The following RANBP9 variants were observed in gnomAD, a reference collection of about 807,000 sequenced individuals.
The protein encoded by RANBP9 is ran-binding protein 9.
A neutral mutation model predicts 84.3 loss-of-function variants in RANBP9; 15 were observed. That is an observed-to-expected ratio of 0.18 (90% CI 0.12 to 0.27). The LOEUF (loss-of-function observed/expected upper bound fraction) is 0.27. RANBP9 is among the 10% of genes least tolerant of loss of function. The pLI, the probability that RANBP9 is intolerant of heterozygous loss-of-function variation, is 1.00. For missense variants in RANBP9, 809 were observed against 912.8 expected (o/e 0.89, Z 1.46); for synonymous variants, 392 against 349.6 (o/e 1.12, Z -1.35).
At chr6:13,696,379 C>G (rs2113356822) in intron 2 of RANBP9, among the ~76,000 whole-genome samples, 1 of 152,234 alleles carries the variant, frequency 6.6e-6, no homozygotes, top group African/African-American at 2.4e-5. Flanking sequence ...TACACATTTC[C>G]CAGCTGAAAC....
intron 2 of RANBP9, among the ~76,000 whole-genome samples, chr6:13,686,115 CG>C (rs111284777): frequency 5.7e-3 from 12 of 2,102 alleles, no homozygotes; most frequent in African/African-American, 7.5e-3. Flanking sequence ...CCCCCCCCCC[CG>C]CCCCCCGAAA....
Position 13,668,267 on chromosome 6 carries a change from C to G in RANBP9, c.684-9435G>C, listed in dbSNP as rs138527228. On this transcript the variant is annotated intron_variant, in intron 2 of 13. Coordinates refer to ENST00000011619, the MANE Select transcript of RANBP9 (RefSeq NM_005493.3). ...TAATTTTAAAACACAAAGACAAGCC[C>G]GTGCTCAGATGGCTTCACTGGGGAA... Among the ~76,000 whole-genome samples the G allele has an allele frequency of 2.0e-5, 3 of 152,110 alleles. No homozygotes were observed. The East Asian group carries it at 5.8e-4, about 29-fold the overall frequency.
intron 2 of RANBP9, among the ~76,000 whole-genome samples, chr6:13,677,552 A>C (rs1338895248): frequency 2.6e-5 from 4 of 152,208 alleles, no homozygotes; most frequent in Non-Finnish European, 5.9e-5. Context: ...TGAATATAAT[A>C]AGACTTAAGA....
chr6:13,647,646 T>C (rs1765201594), intron 5 of RANBP9, among the ~76,000 whole-genome samples: 1 of 152,124 alleles, frequency 6.6e-6, no homozygotes, highest in South Asian at 2.1e-4. Flanking sequence ...AAACAAACAT[T>C]ATAGCCAAAG....
intron 10 of RANBP9, among the ~76,000 whole-genome samples, chr6:13,636,812 T>G: frequency 6.6e-6 from 1 of 152,222 alleles, no homozygotes; most frequent in East Asian, 1.9e-4. Context: ...TTGTCACGTG[T>G]GACAGACAAC....
intron 1 of RANBP9, among the ~76,000 whole-genome samples, chr6:13,697,873 C>T (rs140869032): frequency 7.2e-5 from 11 of 152,290 alleles, no homozygotes; most frequent in Non-Finnish European, 1.0e-4. Context: ...ATATGCTCCA[C>T]GCAATACAAA....
chr6:13,670,179 G>C (rs1765742005), intron 2 of RANBP9, among the ~76,000 whole-genome samples: 1 of 152,146 alleles, frequency 6.6e-6, no homozygotes, highest in Non-Finnish European at 1.5e-5. Flanking sequence ...TGTAGTCCCA[G>C]CTTCTCGGGA....
intron 1 of RANBP9, among the ~76,000 whole-genome samples, chr6:13,705,080 AAC>A (rs538166633): frequency 5.3e-5 from 8 of 152,204 alleles, no homozygotes; most frequent in African/African-American, 1.7e-4. Flanking sequence ...AACAGTGAAA[AAC>A]ACATATAAAT....
At chr6:13,647,850 A>T (rs1347668367) in intron 5 of RANBP9, among the ~76,000 whole-genome samples, 5 of 152,198 alleles carry the variant, frequency 3.3e-5, no homozygotes, top group African/African-American at 4.8e-5. Flanking sequence ...TTAAAACTGG[A>T]GAATTGGGAG....
chr6:13,688,608 T>C (rs1254491941), intron 2 of RANBP9, among the ~76,000 whole-genome samples: 1 of 152,028 alleles, frequency 6.6e-6, no homozygotes, highest in East Asian at 1.9e-4. Flanking sequence ...AATCCTAGGT[T>C]CTTAGCACAG....
intron 1 of RANBP9, among the ~76,000 whole-genome samples, chr6:13,706,629 G>A (rs1440017674): frequency 6.8e-6 from 1 of 147,014 alleles, no homozygotes. Context: ...GGAGGCGGAG[G>A]TTGCAGTGAG....
intron 2 of RANBP9, among the ~76,000 whole-genome samples, chr6:13,668,861 A>G (rs1765710882): frequency 6.6e-6 from 1 of 152,156 alleles, no homozygotes; most frequent in African/African-American, 2.4e-5. Context: ...CTTCTATTCA[A>G]CATAGTACTG....
At chr6:13,699,032 T>C (rs1757905627) in intron 1 of RANBP9, among the ~76,000 whole-genome samples, 1 of 152,190 alleles carries the variant, frequency 6.6e-6, no homozygotes, top group Non-Finnish European at 1.5e-5. Context: ...TTTGTATGGA[T>C]TTTTCTCTTT....
At position 13,711,227 on chromosome 6, in the gene RANBP9, G is replaced by A. The variant is rs1262192939; in HGVS notation, c.279C>T (p.Ala93=). The change falls in exon 1 of 14, where the codon GCC becomes GCT. Residue 93 remains alanine (A), a synonymous_variant. Transcript: ENST00000011619. ...PPPPPPPPPP[A]SAAAPASGPP... ...GCCCGCTGGCGGGGGCAGCCGCTGA[G>A]GCAGGGGGAGGCGGGGGCGGCGGCG... The A allele has an allele frequency of 5.6e-5, 59 of 1,046,778 alleles. No individual in the cohort carries two copies. Among genetic ancestry groups the A allele is most frequent in the Non-Finnish European group, 6.3e-5 (55 of 870,188 alleles). The allele number at this position is 1,046,778 out of a possible 1,614,324, so 64.8% of individuals were successfully genotyped here. A position where few individuals can be genotyped will look rare whatever the true frequency, so the allele number is the denominator to read the frequency against.
chr6:13,709,690 A>G (rs780790026), intron 1 of RANBP9, among the ~76,000 whole-genome samples: 2 of 152,224 alleles, frequency 1.3e-5, no homozygotes, highest in East Asian at 3.8e-4. Flanking sequence ...AGAATGTTCA[A>G]CAAGGCCTAT....
chr6:13,698,218 G>A (rs1367766258), intron 1 of RANBP9, among the ~76,000 whole-genome samples: 1 of 152,126 alleles, frequency 6.6e-6, no homozygotes, highest in Non-Finnish European at 1.5e-5. Context: ...TGGGTTATGG[G>A]CAGAAGTTCT....
rs143748752 is a variant in RANBP9 at position 13,667,852 on chromosome 6, C to A, written c.684-9020G>T. ...TAACCACACATTCTTCAGAACGTATCCCCATTCTTACGCAACACATTTTTT... is the reference window on the plus strand; with the variant it reads ...TAACCACACATTCTTCAGAACGTATACCCATTCTTACGCAACACATTTTTT... On this transcript the variant is annotated intron_variant, in intron 2 of 13. Transcript: ENST00000011619. Among the ~76,000 whole-genome samples, 497 of 152,196 alleles carry A rather than the reference C, an allele frequency of 3.3e-3. 8 individuals carry two copies. The highest frequency in any genetic ancestry group is 0.011 in the African/African-American group (462 of 41,522).
intron 2 of RANBP9, among the ~76,000 whole-genome samples, chr6:13,688,356 T>C (rs991375756): frequency 6.6e-6 from 1 of 152,192 alleles, no homozygotes; most frequent in Non-Finnish European, 1.5e-5. Flanking sequence ...TTTAACTGTA[T>C]TCCTCTTCTG....
intron 2 of RANBP9, among the ~76,000 whole-genome samples, chr6:13,660,448 G>T (rs1765515387): frequency 6.6e-6 from 1 of 152,132 alleles, no homozygotes; most frequent in Non-Finnish European, 1.5e-5. Flanking sequence ...GGTTGAGGCT[G>T]CAGTGAGACA....
Sources: gnomAD v4.1 joint callset for allele counts (sites outside exome capture counted in the v4.1 genomes callset) on GRCh38, gnomAD v4.1.1 for gene constraint, MANE v1.5 for transcripts, NCBI Gene and HGNC (gene_info 2026-07-23, HGNC 2026-07-21) for gene names.